Variants in STK39 observed in about 807,000 individuals in gnomAD.
STK39 encodes STE20/SPS1-related proline-alanine-rich protein kinase.
Under a neutral mutation model 77.8 loss-of-function variants are expected in STK39, and 20 were observed. The observed-to-expected ratio is 0.26, with a 90% CI of 0.18 to 0.37. The LOEUF is 0.37. Among genes scored for constraint, STK39 ranks in the 10% least tolerant of loss-of-function variants. STK39 has a pLI of 1.00. For synonymous variants in STK39, 246 were observed against 234.1 expected (o/e 1.05, Z -0.47); for missense variants, 479 against 656.5 (o/e 0.73, Z 2.95).
At chr2:168,150,842 C>T (rs188147476) in intron 5 of STK39, among the ~76,000 whole-genome samples, 2 of 152,140 alleles carry the variant, frequency 1.3e-5, no homozygotes, top group East Asian at 3.9e-4. Flanking sequence ...TTGGGACACA[C>T]CACCCATCTT....
chr2:168,234,259 G>A (rs1288942432), intron 1 of STK39, among the ~76,000 whole-genome samples: 1 of 152,184 alleles, frequency 6.6e-6, no homozygotes, highest in Non-Finnish European at 1.5e-5. Flanking sequence ...GAGGGAAACA[G>A]TCTATATCTG....
chr2:168,030,189 G>A (rs896836584), intron 14 of STK39, among the ~76,000 whole-genome samples: 1 of 152,120 alleles, frequency 6.6e-6, no homozygotes, highest in Non-Finnish European at 1.5e-5. Context: ...TCAGTGAGCC[G>A]AAATCCAGCC....
intron 2 of STK39, among the ~76,000 whole-genome samples, chr2:168,168,744 A>G (rs1688749803): frequency 6.6e-6 from 1 of 152,226 alleles, no homozygotes; most frequent in Non-Finnish European, 1.5e-5. Flanking sequence ...TAATCCCAAC[A>G]CTTTGGGAGG....
chr2:168,020,471 G>A (rs1005801597), intron 14 of STK39, among the ~76,000 whole-genome samples: 3 of 151,990 alleles, frequency 2.0e-5, no homozygotes, highest in African/African-American at 4.8e-5. Flanking sequence ...GTAATTTCTT[G>A]CTACTATTAT....
chr2:168,166,196 G>A (rs541337662), intron 3 of STK39, among the ~76,000 whole-genome samples: 1 of 152,316 alleles, frequency 6.6e-6, no homozygotes, highest in African/African-American at 2.4e-5. Flanking sequence ...CTGAAAAACA[G>A]GGATGGTGAC....
At chr2:168,117,223 T>C (rs1478286224) in intron 10 of STK39, among the ~76,000 whole-genome samples, 1 of 152,106 alleles carries the variant, frequency 6.6e-6, no homozygotes, top group East Asian at 1.9e-4. Flanking sequence ...AAACCCTGAG[T>C]CCCAGACTTC....
At chr2:168,002,108 C>A (rs1163107057) in intron 16 of STK39, among the ~76,000 whole-genome samples, 1 of 152,196 alleles carries the variant, frequency 6.6e-6, no homozygotes, top group Non-Finnish European at 1.5e-5. Context: ...TACAACTAAT[C>A]CACTGGCAAG....
intron 10 of STK39, among the ~76,000 whole-genome samples, chr2:168,115,215 G>A (rs1161390508): frequency 6.6e-6 from 1 of 152,168 alleles, no homozygotes; most frequent in Non-Finnish European, 1.5e-5. Context: ...AAATGTTCAT[G>A]GATAACATTC....
At chr2:168,020,658 T>C (rs976988982) in intron 14 of STK39, among the ~76,000 whole-genome samples, 1 of 150,600 alleles carries the variant, frequency 6.6e-6, no homozygotes, top group African/African-American at 2.4e-5. Flanking sequence ...TTATGTATCA[T>C]ATATAATCAT....
At chr2:168,194,977 T>G (rs1689431929) in intron 1 of STK39, among the ~76,000 whole-genome samples, 2 of 152,206 alleles carry the variant, frequency 1.3e-5, no homozygotes, top group South Asian at 4.1e-4. Context: ...CTGCTTAGGA[T>G]AGCATGAGTT....
chr2:168,182,071 C>G lies in STK39; in HGVS notation c.228G>C (p.Val76=), dbSNP rs1689095365. ...QEVIGSGATA[V]VQAALCKPRQ... ...TGGGTTTGCATAGGGCTGCCTGAACCACAGCAGTAGCTCCACTGCCTGCAA... is the reference window on the plus strand; with the variant it reads ...TGGGTTTGCATAGGGCTGCCTGAACGACAGCAGTAGCTCCACTGCCTGCAA... The change falls in exon 2 of 18, where the codon GTG becomes GTC. Residue 76 remains valine, a synonymous_variant. Coordinates refer to ENST00000355999, the MANE Select transcript of STK39 (RefSeq NM_013233.3). 1.2e-6 allele frequency: 2 copies of G among 1,613,824 alleles called. No individual in the cohort carries two copies. The highest frequency in any genetic ancestry group is 1.7e-5 in the Admixed American group (1 of 59,988).
chr2:168,235,267 T>C (rs1422802272), intron 1 of STK39, among the ~76,000 whole-genome samples: 2 of 152,102 alleles, frequency 1.3e-5, no homozygotes, highest in African/African-American at 2.4e-5. Context: ...CTCGAACTCC[T>C]GACCTTGGGA....
chr2:167,990,175 C>T (rs1010560753), intron 16 of STK39, among the ~76,000 whole-genome samples: 2 of 152,012 alleles, frequency 1.3e-5, no homozygotes, highest in African/African-American at 4.8e-5. Flanking sequence ...GATGCAGCTG[C>T]CTGGGAGAAA....
At chr2:168,147,618 G>A (rs763490424) in intron 5 of STK39, among the ~76,000 whole-genome samples, 2 of 152,088 alleles carry the variant, frequency 1.3e-5, no homozygotes, top group Admixed American at 6.6e-5. Context: ...GTACATGCAC[G>A]GAGTGGGTTT....
chr2:168,017,071 G>A lies in STK39; in HGVS notation c.1401C>T (p.Asp467=). The change falls in exon 15 of 18, where the codon GAC becomes GAT. Residue 467 remains aspartate, a synonymous_variant. Coordinates refer to ENST00000355999, the MANE Select transcript of STK39 (RefSeq NM_013233.3). ...RLRNSRKELN[D]IRFEFTPGRD... ...TTCCTGGAGTAAACTCAAATCGTAT[G>A]TCATTAAGTTCCTTTCTGGAGTTTC... The A allele has an allele frequency of 6.2e-7, 1 of 1,607,128 alleles. No individual in the cohort carries two copies. Among genetic ancestry groups the A allele is most frequent in the Non-Finnish European group, 8.5e-7 (1 of 1,176,718 alleles).
rs138944440 is a variant in STK39, at chr2:168,102,706, G to GGT, written c.1089+26834_1089+26835insAC. On this transcript the variant is annotated intron_variant, in intron 10 of 17. Transcript: ENST00000355999. ...GCACTTTGGGAGGCCAAGGCGGGCA[G>GGT]ATTATGAGGTAAGGAGATTGAGACC... 5.9e-3 allele frequency among the ~76,000 whole-genome samples: 892 copies of GGT among 152,190 alleles called. 11 individuals carry two copies. Among genetic ancestry groups the GGT allele is most frequent in the African/African-American group, 0.02 (849 of 41,518 alleles).
In STK39 at chr2:167,999,441, G is replaced by A. The variant is rs573890562; in HGVS notation, c.1498+13193C>T. ...AGGTGTACTCAGCACCACAGTAGATGAGATGCTTTATTTATTTTATTTTAT... is the reference window on the plus strand; with the variant it reads ...AGGTGTACTCAGCACCACAGTAGATAAGATGCTTTATTTATTTTATTTTAT... On this transcript the variant is annotated intron_variant, in intron 16 of 17. Transcript: ENST00000355999. Among the ~76,000 whole-genome samples the A allele has an allele frequency of 2.0e-5, 3 of 152,234 alleles. No individual in the cohort carries two copies. The South Asian group carries it at 6.2e-4, about 32-fold the overall frequency.
chr2:168,145,566 T>C (rs147698881), intron 5 of STK39, among the ~76,000 whole-genome samples: 19 of 152,332 alleles, frequency 1.2e-4, no homozygotes, highest in African/African-American at 4.6e-4. Flanking sequence ...CTTACTGTAG[T>C]TGGCAACAAA....
chr2:167,974,013 T>C (rs1683192457), intron 16 of STK39, among the ~76,000 whole-genome samples: 1 of 152,194 alleles, frequency 6.6e-6, no homozygotes, highest in Admixed American at 6.5e-5. Context: ...AAGATTTGTC[T>C]ATAAGGTTTT....
Sources: allele counts gnomAD v4.1 joint callset (sites outside exome capture counted in the v4.1 genomes callset), GRCh38; gene constraint gnomAD v4.1.1; transcripts MANE v1.5; gene names NCBI Gene and HGNC (gene_info 2026-07-23, HGNC 2026-07-21).